The following CAMK1D variants were observed in gnomAD, a reference collection of about 807,000 sequenced individuals.
CAMK1D encodes calcium/calmodulin dependent protein kinase ID.
CAMK1D carries 9 observed loss-of-function variants against 47.7 expected under a neutral mutation model. The observed-to-expected ratio is 0.19, with a 90% CI of 0.11 to 0.33. The LOEUF (loss-of-function observed/expected upper bound fraction) is 0.33. CAMK1D is among the 10% of genes least tolerant of loss of function. The pLI, the probability that CAMK1D is intolerant of heterozygous loss-of-function variation, is 1.00. For missense variants in CAMK1D, 291 were observed against 488.7 expected (o/e 0.60, Z 3.81); for synonymous variants, 184 against 184.9 (o/e 0.99, Z 0.04).
intron 3 of CAMK1D, among the ~76,000 whole-genome samples, chr10:12,682,533 C>T (rs1021819252): frequency 6.6e-6 from 1 of 152,104 alleles, no homozygotes; most frequent in African/African-American, 2.4e-5. Flanking sequence ...TCAGAATTTG[C>T]TCATTTAGCA....
intron 1 of CAMK1D, among the ~76,000 whole-genome samples, chr10:12,464,931 A>G (rs1190088904): frequency 2.6e-5 from 4 of 152,232 alleles, no homozygotes; most frequent in Admixed American, 1.3e-4. Flanking sequence ...AAAGCAGAAC[A>G]TCACATTCAA....
intron 2 of CAMK1D, among the ~76,000 whole-genome samples, chr10:12,587,738 T>C (rs1180985230): frequency 6.6e-6 from 1 of 152,158 alleles, no homozygotes; most frequent in East Asian, 1.9e-4. Flanking sequence ...CCTATTTACA[T>C]ATCATTTTAG....
intron 2 of CAMK1D, among the ~76,000 whole-genome samples, chr10:12,654,321 A>T (rs201873451): frequency 1.3e-5 from 2 of 152,250 alleles, no homozygotes; most frequent in African/African-American, 4.8e-5. Flanking sequence ...GATTTGGTGT[A>T]TGTGGGTTCT....
intron 1 of CAMK1D, among the ~76,000 whole-genome samples, chr10:12,434,830 G>A (rs962129397): frequency 6.6e-6 from 1 of 152,174 alleles, no homozygotes; most frequent in African/African-American, 2.4e-5. Flanking sequence ...GAAGGATGTG[G>A]GAATCATCCG....
intron 3 of CAMK1D, among the ~76,000 whole-genome samples, chr10:12,698,405 C>G (rs983410069): frequency 1.3e-5 from 2 of 152,070 alleles, no homozygotes; most frequent in Non-Finnish European, 2.9e-5. Context: ...CAATACATAA[C>G]CTGTTTTATG....
intron 1 of CAMK1D, among the ~76,000 whole-genome samples, chr10:12,542,933 A>G (rs1332319156): frequency 6.6e-6 from 1 of 151,870 alleles, no homozygotes; most frequent in Non-Finnish European, 1.5e-5. Context: ...TTAGGTAGAG[A>G]TGGGGTTTCA....
intron 1 of CAMK1D, among the ~76,000 whole-genome samples, chr10:12,460,704 A>C (rs754555988): frequency 6.6e-5 from 10 of 152,076 alleles, no homozygotes; most frequent in Non-Finnish European, 1.2e-4. Context: ...CTGGGATTAC[A>C]GGTGTGAGAC....
intron 6 of CAMK1D, among the ~76,000 whole-genome samples, chr10:12,805,971 A>G (rs1838711690): frequency 6.6e-6 from 1 of 152,224 alleles, no homozygotes; most frequent in Admixed American, 6.5e-5. Context: ...GGTGCCTAGC[A>G]AACTTGGAGA....
intron 1 of CAMK1D, 107 bp downstream of exon 1, chr10:12,350,017 A>G: frequency 2.1e-6 from 1 of 467,232 alleles, no homozygotes; most frequent in East Asian, 6.3e-5. Flanking sequence ...CCAGCCTGTC[A>G]CCGCGTCCTC....
In CAMK1D at chr10:12,825,683, A is replaced by G. The variant is rs758047876; in HGVS notation, c.1032A>G (p.Gln344=). The change falls in exon 10 of 11, where the codon CAA becomes CAG. Residue 344 remains glutamine (Q), a synonymous_variant. Transcript: ENST00000619168. ...CGAGCAGCCTCAGTTTGGCCAGCCA[A>G]AAAGACTGTGCGTATGTAGCAAAAC... is the stretch of plus-strand genomic sequence containing the variant. ...SVSSSLSLAS[Q]KDCLAPSTLC... 5.6e-6 allele frequency: 9 copies of G among 1,614,262 alleles called. No individual in the cohort carries two copies. The highest frequency in any genetic ancestry group is 1.6e-4 in the Middle Eastern group (1 of 6,062).
In CAMK1D at chr10:12,413,778, GA is replaced by G. The variant is rs922128291; in HGVS notation, c.92+63877del. Among the ~76,000 whole-genome samples the G allele has an allele frequency of 1.1e-3, 164 of 151,232 alleles. 1 individual carries two copies. Among genetic ancestry groups the G allele is most frequent in the African/African-American group, 3.7e-3 (151 of 41,262 alleles). On this transcript the variant is annotated intron_variant, in intron 1 of 10. Transcript: ENST00000619168. ...ACCAAAACTTTGCCATTGTTTGTTT[GA>G]AAAAAAAAGTCTGTTAGCCATATTT...
At chr10:12,671,854 A>G (rs188489513) in intron 3 of CAMK1D, among the ~76,000 whole-genome samples, 1 of 125,558 alleles carries the variant, frequency 8.0e-6, no homozygotes, top group East Asian at 2.4e-4. Context: ...GGTCTGCTTT[A>G]TTTTTTCTTT....
intron 1 of CAMK1D, among the ~76,000 whole-genome samples, chr10:12,395,276 C>T (rs1287761951): frequency 6.6e-6 from 1 of 151,458 alleles, no homozygotes; most frequent in Non-Finnish European, 1.5e-5. Flanking sequence ...GGGTCCCAAA[C>T]CCTTGGCCTC....
intron 1 of CAMK1D, among the ~76,000 whole-genome samples, chr10:12,409,234 C>T (rs1010580066): frequency 3.3e-5 from 5 of 152,020 alleles, no homozygotes; most frequent in African/African-American, 7.2e-5. Flanking sequence ...TTCAGCACCA[C>T]GTTTGAGCAG....
chr10:12,373,502 G>T (rs1838067391), intron 1 of CAMK1D, among the ~76,000 whole-genome samples: 2 of 150,490 alleles, frequency 1.3e-5, no homozygotes, highest in Admixed American at 1.3e-4. Flanking sequence ...CGTAGTGGTG[G>T]GTGCCTGTAA....
chr10:12,691,002 G>A (rs911157906), intron 3 of CAMK1D, among the ~76,000 whole-genome samples: 8 of 152,032 alleles, frequency 5.3e-5, no homozygotes, highest in African/African-American at 1.5e-4. Context: ...GACTGGGGGC[G>A]TCGTTTCACA....
chr10:12,726,948 C>T (rs2130801002), intron 3 of CAMK1D, among the ~76,000 whole-genome samples: 1 of 152,360 alleles, frequency 6.6e-6, no homozygotes, highest in East Asian at 1.9e-4. Flanking sequence ...CCCAGCTGCC[C>T]AGGGCCATGG....
At chr10:12,610,313 C>A (rs114899404) in intron 2 of CAMK1D, among the ~76,000 whole-genome samples, 36 of 152,226 alleles carry the variant, frequency 2.4e-4, no homozygotes, top group African/African-American at 8.4e-4. Context: ...CTTTCTGTAT[C>A]ATTCATTTAA....
intron 6 of CAMK1D, among the ~76,000 whole-genome samples, chr10:12,811,585 C>T (rs957744976): frequency 7.9e-5 from 12 of 151,934 alleles, no homozygotes; most frequent in East Asian, 1.9e-4. Context: ...TACAAAAACA[C>T]GGAAAGAAAA....
Sources: gnomAD v4.1 joint callset for allele counts (sites outside exome capture counted in the v4.1 genomes callset) on GRCh38, gnomAD v4.1.1 for gene constraint, MANE v1.5 for transcripts, NCBI Gene and HGNC (gene_info 2026-07-23, HGNC 2026-07-21) for gene names.